ZYG11B: variants seen among roughly 807,000 people sequenced by gnomAD.
ZYG11B encodes the protein protein zyg-11 homolog B.
ZYG11B carries 36 observed loss-of-function variants against 82.4 expected under a neutral mutation model. That is an observed-to-expected ratio of 0.44 (90% CI 0.33 to 0.58). ZYG11B has a LOEUF of 0.58. Among genes scored for constraint, ZYG11B ranks in the 20% least tolerant of loss-of-function variants. The pLI is 0.02. For missense variants in ZYG11B, 552 were observed against 895.6 expected (o/e 0.62, Z 4.90); for synonymous variants, 303 against 312.8 (o/e 0.97, Z 0.33).
At chr1:52,797,047 T>A (rs61630338) in intron 8 of ZYG11B, among the ~76,000 whole-genome samples, 2,699 of 88,708 alleles carry the variant, frequency 0.03, 173 homozygotes, top group African/African-American at 0.13. Context: ...ATATAAATTT[T>A]TATATATTAT....
intron 1 of ZYG11B, among the ~76,000 whole-genome samples, chr1:52,736,248 T>C (rs778387409): frequency 6.6e-6 from 1 of 151,230 alleles, no homozygotes; most frequent in Non-Finnish European, 1.5e-5. Context: ...TAGTAGGGAC[T>C]CAGCAAATAG....
intron 6 of ZYG11B, among the ~76,000 whole-genome samples, chr1:52,791,984 C>G (rs1263634017): frequency 1.3e-5 from 2 of 152,158 alleles, no homozygotes; most frequent in Admixed American, 6.6e-5. Context: ...TCAGTTGCAG[C>G]TATTTAACTC....
intron 1 of ZYG11B, among the ~76,000 whole-genome samples, chr1:52,746,896 G>A (rs1384124686): frequency 6.8e-6 from 1 of 148,104 alleles, no homozygotes; most frequent in African/African-American, 2.5e-5. Flanking sequence ...TTTTTTGGCG[G>A]GTAAGGTCTT....
At chr1:52,747,591 C>G (rs1380168078) in intron 1 of ZYG11B, among the ~76,000 whole-genome samples, 2 of 150,994 alleles carry the variant, frequency 1.3e-5, no homozygotes, top group Non-Finnish European at 3.0e-5. Context: ...TTTTTTTTCT[C>G]TCTCTCGTAA....
At chr1:52,766,775 G>A (rs1415288382) in intron 2 of ZYG11B, among the ~76,000 whole-genome samples, 4 of 152,100 alleles carry the variant, frequency 2.6e-5, no homozygotes, top group East Asian at 1.9e-4. Flanking sequence ...TTGGGAGGCC[G>A]AGGCGGGCGG....
chr1:52,770,058 G>A (rs1265479627), intron 2 of ZYG11B, among the ~76,000 whole-genome samples: 1 of 144,850 alleles, frequency 6.9e-6, no homozygotes, highest in Non-Finnish European at 1.5e-5. Context: ...GAGTGTGGGG[G>A]GAAGCTGTAA....
At chr1:52,813,796 G>A in intron 11 of ZYG11B, 63 bp downstream of exon 11, 2 of 1,612,918 alleles carry the variant, frequency 1.2e-6, no homozygotes, top group South Asian at 2.2e-5. Context: ...GCCTCATAAT[G>A]TAGTAAATAA....
intron 8 of ZYG11B, among the ~76,000 whole-genome samples, chr1:52,799,586 G>C (rs931046972): frequency 7.3e-5 from 11 of 151,144 alleles, no homozygotes; most frequent in Non-Finnish European, 1.6e-4. Context: ...TCAGGAGTTC[G>C]ACACCAGCCT....
chr1:52,803,253 TATATATATATATACACACACACAC>T (rs1645107795), intron 10 of ZYG11B, among the ~76,000 whole-genome samples: 1 of 80,278 alleles, frequency 1.2e-5, no homozygotes, highest in African/African-American at 5.7e-5. Flanking sequence ...CACACACATA[TATATATATATATACACACACACAC>T]ACATATATAT....
chr1:52,796,980 A>G (rs1278058825), intron 8 of ZYG11B, among the ~76,000 whole-genome samples, 196 bp downstream of exon 8: 2 of 66,324 alleles, frequency 3.0e-5, no homozygotes, highest in Non-Finnish European at 5.0e-5. Context: ...ATATATAAAT[A>G]TATATATTTT....
At chr1:52,726,782 TC>T in intron 1 of ZYG11B, 99 bp downstream of exon 1, 1 of 1,229,422 alleles carries the variant, frequency 8.1e-7, no homozygotes, top group Non-Finnish European at 1.1e-6. Flanking sequence ...GTCTCTGGTG[TC>T]CCCTCGGGCT....
rs1483940252 is a variant in ZYG11B, at chr1:52,790,075, A to G, written c.1334+8A>G. The G allele has an allele frequency of 1.9e-6, 3 of 1,589,806 alleles. No individual in the cohort carries two copies. Among genetic ancestry groups the G allele is most frequent in the Non-Finnish European group, 1.7e-6 (2 of 1,165,324 alleles). ...AGATGTTCCATTTAACAGGCAAGTG[A>G]TAGCTCTAGAACTTAAAGTGGGGCA... is the stretch of plus-strand genomic sequence containing the variant. On this transcript the variant is annotated splice_region_variant and intron_variant, in intron 6 of 13. Coordinates refer to ENST00000294353, the MANE Select transcript of ZYG11B (RefSeq NM_024646.3).
chr1:52,785,502 G>C (rs1644905854), intron 5 of ZYG11B, among the ~76,000 whole-genome samples: 1 of 152,020 alleles, frequency 6.6e-6, no homozygotes, highest in Admixed American at 6.6e-5. Context: ...CTGTTGCCAG[G>C]CCAGAGTGCA....
At chr1:52,804,856 C>T (rs56158723) in intron 10 of ZYG11B, among the ~76,000 whole-genome samples, 11,530 of 151,712 alleles carry the variant, frequency 0.076, 726 homozygotes, top group African/African-American at 0.17. Flanking sequence ...CTTTGGGAGG[C>T]TGAGACAGGC....
chr1:52,798,601 AC>A (rs558962905), intron 8 of ZYG11B, among the ~76,000 whole-genome samples: 2 of 152,120 alleles, frequency 1.3e-5, no homozygotes, highest in South Asian at 4.1e-4. Flanking sequence ...ACAGAGCAAG[AC>A]CCTGTCTCCA....
At chr1:52,803,414 A>G (rs1305885282) in intron 10 of ZYG11B, among the ~76,000 whole-genome samples, 3 of 143,262 alleles carry the variant, frequency 2.1e-5, no homozygotes, top group Admixed American at 7.3e-5. Flanking sequence ...TCCAGCCTGG[A>G]CAATAAGAGC....
intron 1 of ZYG11B, among the ~76,000 whole-genome samples, chr1:52,741,519 G>C (rs1049404760): frequency 9.2e-5 from 14 of 152,040 alleles, no homozygotes; most frequent in Non-Finnish European, 8.8e-5. Context: ...TGGATACGTA[G>C]TCTTTTTCTC....
intron 3 of ZYG11B, chr1:52,772,208 C>T: frequency 1.4e-6 from 2 of 1,470,672 alleles, no homozygotes; most frequent in Non-Finnish European, 1.9e-6. Flanking sequence ...GCGACCAGGG[C>T]AGAGGCTGTA....
chr1:52,772,526 G>T, intron 3 of ZYG11B: 1 of 1,609,392 alleles, frequency 6.2e-7, no homozygotes, highest in Admixed American at 1.7e-5. Context: ...GGCCCTTCTT[G>T]GCCAGTTTGT....
Sources: allele counts gnomAD v4.1 joint callset (sites outside exome capture counted in the v4.1 genomes callset), GRCh38; gene constraint gnomAD v4.1.1; transcripts MANE v1.5; gene names NCBI Gene and HGNC (gene_info 2026-07-23, HGNC 2026-07-21).